ZNF141: variants seen among roughly 807,000 people sequenced by gnomAD.
ZNF141 encodes zinc finger protein 141 (clone pHZ-44).
A neutral mutation model predicts 11.3 loss-of-function variants in ZNF141; 7 were observed. The observed-to-expected ratio is 0.62, with a 90% CI of 0.35 to 1.16. The LOEUF (loss-of-function observed/expected upper bound fraction) is 1.16. Among genes scored for constraint, ZNF141 ranks in the 50% most tolerant of loss-of-function variants. ZNF141 has a pLI of 0.02. For missense variants in ZNF141, 535 were observed against 554.0 expected, an observed-to-expected ratio of 0.97 and a Z score of 0.34; for synonymous variants, 183 against 190.7, an observed-to-expected ratio of 0.96 and a Z score of 0.33.
chr4:345,315 T>C (rs782041958), intron 3 of ZNF141, among the ~76,000 whole-genome samples: 5 of 152,206 alleles, frequency 3.3e-5, no homozygotes, highest in Non-Finnish European at 5.9e-5. Flanking sequence ...GTAATGTTAT[T>C]TTACTTCAAA....
Position 375,657 on chromosome 4 carries a change from T to G in ZNF141, c.*1795T>G, listed in dbSNP as rs1553854471. ...GTTGAAAAGAAGATTTTTGAAGAGATACTACATTTAAAGTATATTTTTTCA... is the reference window on the plus strand; with the variant it reads ...GTTGAAAAGAAGATTTTTGAAGAGAGACTACATTTAAAGTATATTTTTTCA... On this transcript the variant is annotated 3_prime_UTR_variant, in exon 4 of 4. Coordinates refer to ENST00000240499, the MANE Select transcript of ZNF141 (RefSeq NM_003441.4). 6.6e-6 allele frequency among the ~76,000 whole-genome samples: 1 copy of G among 152,054 alleles called. No individual in the cohort carries two copies. The highest frequency in any genetic ancestry group is 1.5e-5 in the Non-Finnish European group (1 of 67,906).
chr4:371,915 T>C (rs1712085350), intron 3 of ZNF141, among the ~76,000 whole-genome samples: 2 of 152,240 alleles, frequency 1.3e-5, no homozygotes, highest in Admixed American at 6.5e-5. Context: ...TTGGTTGTTA[T>C]TTGTACATTA....
chr4:369,764 A>C (rs1236167486), intron 3 of ZNF141, among the ~76,000 whole-genome samples: 1 of 48,742 alleles, frequency 2.1e-5, no homozygotes, highest in Non-Finnish European at 3.1e-5. Flanking sequence ...ATATATATAT[A>C]TTTTTTTTTT....
chr4:338,102 G>A, intron 1 of ZNF141, 116 bp downstream of exon 1: 1 of 1,449,022 alleles, frequency 6.9e-7, no homozygotes, highest in Non-Finnish European at 9.5e-7. Context: ...TCAGCCCTGG[G>A]GCCTCAGTAC....
At chr4:372,177 C>G (rs1712101028) in intron 3 of ZNF141, among the ~76,000 whole-genome samples, 1 of 152,228 alleles carries the variant, frequency 6.6e-6, no homozygotes, top group Non-Finnish European at 1.5e-5. Context: ...CATTTGCTTT[C>G]AGCAGACCCA....
chr4:342,431 G>A (rs1425504451), intron 1 of ZNF141, among the ~76,000 whole-genome samples: 1 of 152,216 alleles, frequency 6.6e-6, no homozygotes, highest in African/African-American at 2.4e-5. Context: ...GTTGGGGTAA[G>A]GGACTCTGTG....
intron 1 of ZNF141, chr4:343,015 CCTTGCATGA>C: frequency 1.5e-6 from 1 of 662,342 alleles, no homozygotes; most frequent in South Asian, 2.5e-5. Flanking sequence ...TAAAAAAGTT[CCTTGCATGA>C]TTAAAAAAGT....
chr4:340,621 GAGA>G (rs1300577109), intron 1 of ZNF141, among the ~76,000 whole-genome samples: 1 of 152,328 alleles, frequency 6.6e-6, no homozygotes, highest in Admixed American at 6.5e-5. Context: ...TGGGATTTGA[GAGA>G]AGAACAGAAC....
chr4:381,400 C>CTTTTTTTTTT lies in ZNF141; in HGVS notation c.*7555_*7564dup, dbSNP rs34721227. Among the ~76,000 whole-genome samples the CTTTTTTTTTT allele has an allele frequency of 2.6e-4, 20 of 76,946 alleles. 2 individuals are homozygous for CTTTTTTTTTT. The highest frequency in any genetic ancestry group is 1.2e-3 in the African/African-American group (20 of 16,448). 50.5% of individuals were successfully genotyped at this position (76,946 alleles called of 152,430 possible). On this transcript the variant is annotated 3_prime_UTR_variant, in exon 4 of 4. Coordinates refer to ENST00000240499, the MANE Select transcript of ZNF141 (RefSeq NM_003441.4). The stretch of plus-strand genomic sequence containing the variant: ...CTATTTAATACAGACTTCAAATGTG[C>CTTTTTTTTTT]TTTTTTTTTTTTTTTTTTTTTTTTT...
At chr4:364,926 TC>T (rs1711665090) in intron 3 of ZNF141, among the ~76,000 whole-genome samples, 2 of 152,190 alleles carry the variant, frequency 1.3e-5, no homozygotes, top group Admixed American at 6.5e-5. Context: ...AGCTATGCCC[TC>T]CCCCCAGAGG....
rs1553855644 is a variant in ZNF141, at chr4:381,503, G to A, written c.*7641G>A. On this transcript the variant is annotated 3_prime_UTR_variant, in exon 4 of 4. Coordinates refer to ENST00000240499, the MANE Select transcript of ZNF141 (RefSeq NM_003441.4). ...GGCTCACTGCAACCTCCGCCTCCTG[G>A]GTTCACACAATTTGCCTGCCTCAGC... is the stretch of plus-strand genomic sequence containing the variant. Among the ~76,000 whole-genome samples, 1 of 144,804 alleles carries A rather than the reference G, an allele frequency of 6.9e-6. No homozygotes were observed. The highest frequency in any genetic ancestry group is 2.6e-5 in the African/African-American group (1 of 38,632). The allele number at this position is 144,804 out of a possible 152,430, so 95.0% of individuals were successfully genotyped here. A position where few individuals can be genotyped will look rare whatever the true frequency, so the allele number is the denominator to read the frequency against.
Position 380,133 on chromosome 4 carries a change from T to G in ZNF141, c.*6271T>G, listed in dbSNP as rs1369174415. Among the ~76,000 whole-genome samples, 1 of 152,220 alleles carries G rather than the reference T, an allele frequency of 6.6e-6. No individual in the cohort carries two copies. Among genetic ancestry groups the G allele is most frequent in the Non-Finnish European group, 1.5e-5 (1 of 68,038 alleles). On this transcript the variant is annotated 3_prime_UTR_variant, in exon 4 of 4. Coordinates refer to ENST00000240499, the MANE Select transcript of ZNF141 (RefSeq NM_003441.4). The stretch of plus-strand genomic sequence containing the variant: ...TCACTTAGCATAGTGTCTTCCACAT[T>G]TATCCACATTGTTTCAAATGAAAAG...
At chr4:367,838 A>G (rs190563844) in intron 3 of ZNF141, among the ~76,000 whole-genome samples, 1 of 152,146 alleles carries the variant, frequency 6.6e-6, no homozygotes, top group Non-Finnish European at 1.5e-5. Context: ...TTTTTTTCCA[A>G]AGTTTGTTGT....
At position 377,185 on chromosome 4, in the gene ZNF141, C is replaced by T. The variant is rs1712413427; in HGVS notation, c.*3323C>T. Among the ~76,000 whole-genome samples, 3 of 151,932 alleles carry T rather than the reference C, an allele frequency of 2.0e-5. No individual in the cohort carries two copies. Among genetic ancestry groups the T allele is most frequent in the South Asian group, 2.1e-4 (1 of 4,824 alleles). On this transcript the variant is annotated 3_prime_UTR_variant, in exon 4 of 4. Coordinates refer to ENST00000240499, the MANE Select transcript of ZNF141 (RefSeq NM_003441.4). Reference sequence around the variant, plus strand: ...ATTGACATAAATGAGTTTATTTTGCCAATTTGTTCAGGTAAGTACTTGGAA... The same window carrying T: ...ATTGACATAAATGAGTTTATTTTGCTAATTTGTTCAGGTAAGTACTTGGAA...
intron 3 of ZNF141, among the ~76,000 whole-genome samples, chr4:357,707 CTTT>C (rs572493320): frequency 7.5e-5 from 10 of 132,586 alleles, no homozygotes; most frequent in Non-Finnish European, 9.7e-5. Flanking sequence ...TTTCTTTTTT[CTTT>C]TTTTTTTTTT....
intron 3 of ZNF141, 87 bp downstream of exon 3, chr4:344,517 C>T (rs74908199): frequency 6.0e-6 from 7 of 1,170,580 alleles, no homozygotes; most frequent in South Asian, 2.7e-5. Flanking sequence ...GGTTTGGGGC[C>T]GGGTGCAGTG....
intron 1 of ZNF141, among the ~76,000 whole-genome samples, chr4:340,493 A>AT (rs1309851011): frequency 1.1e-4 from 17 of 152,218 alleles, no homozygotes; most frequent in Non-Finnish European, 2.2e-4. Context: ...ACACATGTGC[A>AT]TTGATTAAAC....
intron 1 of ZNF141, chr4:342,808 G>GA: frequency 2.5e-6 from 4 of 1,603,996 alleles, no homozygotes; most frequent in Non-Finnish European, 3.4e-6. Flanking sequence ...CAGCACTACA[G>GA]AAAAAATTCA....
intron 3 of ZNF141, among the ~76,000 whole-genome samples, chr4:346,894 C>CACACA (rs1553849669): frequency 0.085 from 6,936 of 81,440 alleles, 461 homozygotes; most frequent in African/African-American, 0.12. Flanking sequence ...CACACACACA[C>CACACA]CGCCCCCCCC....
Sources: gnomAD v4.1 joint callset for allele counts (sites outside exome capture counted in the v4.1 genomes callset) on GRCh38, gnomAD v4.1.1 for gene constraint, MANE v1.5 for transcripts, NCBI Gene and HGNC (gene_info 2026-07-23, HGNC 2026-07-21) for gene names.